TENM3: variants seen among roughly 807,000 people sequenced by gnomAD.
TENM3 encodes the protein teneurin-3.
TENM3 carries 63 observed loss-of-function variants against 255.1 expected under a neutral mutation model. The ratio of observed to expected loss-of-function variants is 0.25; its 90% CI spans 0.20 to 0.30. The LOEUF (loss-of-function observed/expected upper bound fraction) is 0.30, where lower values mean the gene tolerates loss of function less well. Among genes scored for constraint, TENM3 ranks in the 10% least tolerant of loss-of-function variants. The probability of loss-of-function intolerance (pLI) is 1.00; values close to 1 mark genes in which losing one functional copy is unlikely to be tolerated. For missense variants in TENM3, 2,929 were observed against 3,461.1 expected (o/e 0.85, Z 3.86); for synonymous variants, 1,306 against 1,322.3 (o/e 0.99, Z 0.27).
the TENM3 span, among the ~76,000 whole-genome samples, chr4:181,919,375 G>T: frequency 7.2e-4 from 21 of 29,184 alleles, no homozygotes; most frequent in African/African-American, 4.3e-3. Flanking sequence ...AGCAAAGCAG[G>T]TGTGTGTGTG....
At chr4:181,575,421 T>A in the TENM3 span, among the ~76,000 whole-genome samples, 2 of 152,242 alleles carry the variant, frequency 1.3e-5, no homozygotes, top group Middle Eastern at 6.8e-3. Flanking sequence ...TAAAACTAAA[T>A]AGAATTGGAC....
the TENM3 span, among the ~76,000 whole-genome samples, chr4:181,848,060 A>G: frequency 6.6e-6 from 1 of 152,242 alleles, no homozygotes; most frequent in Non-Finnish European, 1.5e-5. Context: ...TGTATGAAAT[A>G]TAGTGACACT....
At chr4:181,868,569 G>A in the TENM3 span, among the ~76,000 whole-genome samples, 1 of 152,096 alleles carries the variant, frequency 6.6e-6, no homozygotes, top group African/African-American at 2.4e-5. Context: ...TCATATTTGT[G>A]CTTAATAAAT....
the TENM3 span, among the ~76,000 whole-genome samples, chr4:181,913,586 G>A: frequency 2.0e-5 from 3 of 152,120 alleles, no homozygotes; most frequent in Admixed American, 2.0e-4. Context: ...CAGAGTGGTG[G>A]GGTAAGTAGT....
At chr4:182,447,528 T>A (rs1178013730) in intron 3 of TENM3, among the ~76,000 whole-genome samples, 2 of 152,238 alleles carry the variant, frequency 1.3e-5, no homozygotes, top group African/African-American at 4.8e-5. Context: ...AAGCATTTTG[T>A]CTTTACTGGA....
intron 4 of TENM3, among the ~76,000 whole-genome samples, chr4:182,618,584 T>C (rs1179427716): frequency 6.6e-6 from 1 of 150,460 alleles, no homozygotes; most frequent in Non-Finnish European, 1.5e-5. Context: ...AGTGAACAGC[T>C]ACTAAGGAAC....
At chr4:181,555,029 T>C in the TENM3 span, among the ~76,000 whole-genome samples, 1 of 152,226 alleles carries the variant, frequency 6.6e-6, no homozygotes, top group Non-Finnish European at 1.5e-5. Flanking sequence ...TATATTTTTA[T>C]CATTTTCCAT....
the TENM3 span, among the ~76,000 whole-genome samples, chr4:181,880,893 C>T: frequency 1.2e-4 from 18 of 152,240 alleles, no homozygotes; most frequent in African/African-American, 3.9e-4. Flanking sequence ...TGCCAGCCCC[C>T]GGGGCTCTAA....
the TENM3 span, among the ~76,000 whole-genome samples, chr4:181,915,209 A>G: frequency 1.3e-5 from 2 of 152,180 alleles, no homozygotes; most frequent in African/African-American, 2.4e-5. Flanking sequence ...TTACATTCAC[A>G]TAGGCATATT....
intron 4 of TENM3, among the ~76,000 whole-genome samples, chr4:182,621,526 G>T (rs993711419): frequency 6.9e-6 from 1 of 144,214 alleles, no homozygotes; most frequent in East Asian, 2.0e-4. Flanking sequence ...ACTTTGGGAG[G>T]CCAAGGCAGG....
chr4:182,119,626 C>A, the TENM3 span, among the ~76,000 whole-genome samples: 2 of 152,128 alleles, frequency 1.3e-5, no homozygotes, highest in Non-Finnish European at 2.9e-5. Context: ...CCAGTTCATT[C>A]AGTGTTTTTT....
At chr4:181,843,979 A>G in the TENM3 span, among the ~76,000 whole-genome samples, 1 of 151,976 alleles carries the variant, frequency 6.6e-6, no homozygotes, top group African/African-American at 2.4e-5. Context: ...CGGCTTCCCA[A>G]AGTGCTGGGA....
intron 4 of TENM3, among the ~76,000 whole-genome samples, chr4:182,625,514 T>C (rs976115298): frequency 6.6e-6 from 1 of 151,948 alleles, no homozygotes; most frequent in Non-Finnish European, 1.5e-5. Context: ...CAGGGAAAAA[T>C]TGTCTTCCAC....
chr4:182,156,011 ATTTTTTT>A (rs56399249), intron 1 of TENM3, among the ~76,000 whole-genome samples: 5 of 118,532 alleles, frequency 4.2e-5, no homozygotes, highest in African/African-American at 6.5e-5. Flanking sequence ...CTGTTTGAGG[ATTTTTTT>A]TTTTTTTTTT....
chr4:182,346,992 C>G, intron 3 of TENM3, 63 bp downstream of exon 3: 1 of 1,010,488 alleles, frequency 9.9e-7, no homozygotes, highest in Non-Finnish European at 1.3e-6. Context: ...TTGGTTGACT[C>G]CGCGGGGGGG....
At chr4:181,553,771 G>T in the TENM3 span, among the ~76,000 whole-genome samples, 2 of 152,072 alleles carry the variant, frequency 1.3e-5, no homozygotes, top group Admixed American at 1.3e-4. Context: ...CATGGAGTTT[G>T]TAGTTTAGTG....
intron 3 of TENM3, among the ~76,000 whole-genome samples, chr4:182,538,705 G>C (rs1447789151): frequency 6.6e-6 from 1 of 152,170 alleles, no homozygotes; most frequent in Non-Finnish European, 1.5e-5. Context: ...TGGTAGTGGA[G>C]TTGAAGAGAA....
the TENM3 span, among the ~76,000 whole-genome samples, chr4:181,986,294 C>T: frequency 2.6e-5 from 4 of 151,952 alleles, no homozygotes; most frequent in Non-Finnish European, 5.9e-5. Context: ...CAGTGTTCTC[C>T]CTGCTCTCAG....
At chr4:182,692,301 T>G (rs1356893507) in intron 12 of TENM3, among the ~76,000 whole-genome samples, 1 of 152,222 alleles carries the variant, frequency 6.6e-6, no homozygotes, top group Non-Finnish European at 1.5e-5. Context: ...TCAATCACTT[T>G]TAAGTGTAAT....
Sources: allele counts gnomAD v4.1 joint callset (sites outside exome capture counted in the v4.1 genomes callset), GRCh38; gene constraint gnomAD v4.1.1; transcripts MANE v1.5; gene names NCBI Gene and HGNC (gene_info 2026-07-23, HGNC 2026-07-21).